CD38: variants seen among roughly 807,000 people sequenced by gnomAD.
The protein encoded by CD38 is CD38 molecule, also known as ADP-ribosyl cyclase/cyclic ADP-ribose hydrolase 1.
Under a neutral mutation model 36.3 loss-of-function variants are expected in CD38, and 31 were observed. The observed-to-expected ratio is 0.85, with a 90% confidence interval of 0.64 to 1.15. The LOEUF is 1.15. Ranked by LOEUF, CD38 falls within the 50% of genes most tolerant of loss-of-function variation. CD38 has a pLI of 0.00. For missense variants in CD38, 380 were observed against 371.9 expected, an observed-to-expected ratio of 1.02 and a Z score of -0.18; for synonymous variants, 131 against 135.2, an observed-to-expected ratio of 0.97 and a Z score of 0.22.
chr4:15,829,761 G>A (rs771216598), intron 3 of CD38, among the ~76,000 whole-genome samples: 12 of 152,080 alleles, frequency 7.9e-5, no homozygotes, highest in Admixed American at 3.3e-4. Flanking sequence ...CCAGCGTCTG[G>A]TAACCATTTT....
Position 15,851,374 on chromosome 4 carries a change from G to A in CD38, c.*2772G>A, listed in dbSNP as rs868781671. The A allele has an allele frequency of 3.9e-5, 6 of 152,032 alleles. No homozygotes were observed. The highest frequency in any genetic ancestry group is 7.3e-5 in the African/African-American group (3 of 41,366). 9.4% of individuals were successfully genotyped at this position (152,032 alleles called of 1,614,324 possible). ...TGCTCATACACCTCATATTTTACTC[G>A]TAAATCTACTACTCCCTGTCTGCCT... On this transcript the variant is annotated 3_prime_UTR_variant, in exon 8 of 8. Coordinates refer to ENST00000226279, the MANE Select transcript of CD38 (RefSeq NM_001775.4).
chr4:15,781,958 C>T (rs1224059141), intron 1 of CD38, among the ~76,000 whole-genome samples: 1 of 152,212 alleles, frequency 6.6e-6, no homozygotes, highest in Admixed American at 6.5e-5. Context: ...GCCTGTTTCA[C>T]TTGGTGTCAG....
chr4:15,838,610 A>G (rs1724127530), intron 5 of CD38, among the ~76,000 whole-genome samples: 1 of 152,136 alleles, frequency 6.6e-6, no homozygotes. Flanking sequence ...GTGTACCCCA[A>G]TTCAGTAGTA....
At chr4:15,779,979 T>C (rs1483178708) in intron 1 of CD38, among the ~76,000 whole-genome samples, 1 of 152,212 alleles carries the variant, frequency 6.6e-6, no homozygotes, top group East Asian at 1.9e-4. Flanking sequence ...CAAGTATCTG[T>C]TGAGCACCCA....
At chr4:15,829,500 A>AAATT (rs1723918212) in intron 3 of CD38, among the ~76,000 whole-genome samples, 1 of 152,208 alleles carries the variant, frequency 6.6e-6, no homozygotes, top group Non-Finnish European at 1.5e-5. Flanking sequence ...ATGGGCTGAA[A>AAATT]AAAAATCGCA....
chr4:15,805,434 C>T (rs746846419), intron 1 of CD38, among the ~76,000 whole-genome samples: 1 of 152,102 alleles, frequency 6.6e-6, no homozygotes, highest in Non-Finnish European at 1.5e-5. Flanking sequence ...TCACTAACAC[C>T]TCCTCCCCCC....
intron 3 of CD38, among the ~76,000 whole-genome samples, chr4:15,829,562 C>G (rs946234903): frequency 6.6e-6 from 1 of 152,156 alleles, no homozygotes; most frequent in Non-Finnish European, 1.5e-5. Flanking sequence ...ATGTGTTGGG[C>G]TGCATTCAAA....
At chr4:15,836,924 A>G (rs1387971234) in intron 4 of CD38, among the ~76,000 whole-genome samples, 1 of 152,226 alleles carries the variant, frequency 6.6e-6, no homozygotes, top group Non-Finnish European at 1.5e-5. Context: ...CTTGTTCCAT[A>G]GGGTTACTGC....
chr4:15,850,002 T>C lies in CD38; in HGVS notation c.*1400T>C, dbSNP rs1724350651. The C allele has an allele frequency of 6.6e-6, 1 of 152,166 alleles. No homozygotes were observed. Among genetic ancestry groups the C allele is most frequent in the African/African-American group, 2.4e-5 (1 of 41,442 alleles). 9.4% of individuals were successfully genotyped at this position (152,166 alleles called of 1,614,324 possible). Reference sequence around the variant, plus strand: ...TGCCTAGTTTTTAACATCTGGAGATTTTCTAGTTTTGAAAAAAACATAAGC... The same window carrying C: ...TGCCTAGTTTTTAACATCTGGAGATCTTCTAGTTTTGAAAAAAACATAAGC... On this transcript the variant is annotated 3_prime_UTR_variant, in exon 8 of 8. Transcript: ENST00000226279.
Position 15,849,694 on chromosome 4 carries a change from C to T in CD38, c.*1092C>T, listed in dbSNP as rs1048761033. 1 of 152,136 alleles carries T rather than the reference C, an allele frequency of 6.6e-6. No individual in the cohort carries two copies. Among genetic ancestry groups the T allele is most frequent in the African/African-American group, 2.4e-5 (1 of 41,436 alleles). The allele number at this position is 152,136 out of a possible 1,614,324, so 9.4% of individuals were successfully genotyped here. Reference sequence around the variant, plus strand: ...TTTTCAAAGAACTAAGCTTTAGCTTCATTGATTTTTTTCTATTTAATTGGG... The same window carrying T: ...TTTTCAAAGAACTAAGCTTTAGCTTTATTGATTTTTTTCTATTTAATTGGG... On this transcript the variant is annotated 3_prime_UTR_variant, in exon 8 of 8. Coordinates refer to ENST00000226279, the MANE Select transcript of CD38 (RefSeq NM_001775.4).
chr4:15,782,639 C>T (rs560673328), intron 1 of CD38, among the ~76,000 whole-genome samples: 1 of 152,292 alleles, frequency 6.6e-6, no homozygotes, highest in South Asian at 2.1e-4. Flanking sequence ...AATAAATATA[C>T]TTCCCCAGTG....
intron 3 of CD38, among the ~76,000 whole-genome samples, chr4:15,831,911 C>T (rs1467966487): frequency 6.6e-6 from 1 of 152,140 alleles, no homozygotes; most frequent in Non-Finnish European, 1.5e-5. Flanking sequence ...TCTTTGACAC[C>T]AATAACTCTT....
At chr4:15,786,226 T>G (rs1471297433) in intron 1 of CD38, among the ~76,000 whole-genome samples, 1 of 152,110 alleles carries the variant, frequency 6.6e-6, no homozygotes, top group Non-Finnish European at 1.5e-5. Context: ...CAGTGTTGGC[T>G]CCCCCCAGCC....
intron 1 of CD38, among the ~76,000 whole-genome samples, chr4:15,779,844 G>T (rs1577627870): frequency 1.3e-5 from 2 of 151,120 alleles, no homozygotes; most frequent in Admixed American, 6.6e-5. Context: ...CTTTCAATGT[G>T]AGTACATAAA....
intron 1 of CD38, among the ~76,000 whole-genome samples, chr4:15,794,609 A>G (rs1307574864): frequency 6.6e-6 from 1 of 152,152 alleles, no homozygotes; most frequent in Non-Finnish European, 1.5e-5. Flanking sequence ...AGTGGTAGTG[A>G]TGAAAGCTTA....
chr4:15,790,104 GCTCTCCCTCTCCCTCTCC>G (rs1230934444), intron 1 of CD38, among the ~76,000 whole-genome samples: 16 of 117,016 alleles, frequency 1.4e-4, no homozygotes, highest in Admixed American at 1.7e-4. Context: ...GCAGCAAGCC[GCTCTCCCTCTCCCTCTCC>G]CTCTCCCTCT....
chr4:15,837,097 G>A lies in CD38; in HGVS notation c.586-995G>A, dbSNP rs987217355. Among the ~76,000 whole-genome samples the A allele has an allele frequency of 2.0e-5, 3 of 152,098 alleles. No homozygotes were observed. In the East Asian group the frequency reaches 5.8e-4, roughly 29 times the overall value. On this transcript the variant is annotated intron_variant, in intron 4 of 7. Coordinates refer to ENST00000226279, the MANE Select transcript of CD38 (RefSeq NM_001775.4). ...AATAGTTTCCATTTCACTACTCTAT[G>A]GTATGTTTTAGGACAGTGCTGTTGC...
intron 1 of CD38, among the ~76,000 whole-genome samples, chr4:15,790,551 C>A (rs1350022303): frequency 2.0e-5 from 3 of 152,110 alleles, no homozygotes; most frequent in Non-Finnish European, 2.9e-5. Flanking sequence ...AGCCGCCTGC[C>A]TTGGCCCCCC....
chr4:15,842,070 G>GGCCT (rs1439277687), intron 7 of CD38, among the ~76,000 whole-genome samples: 1 of 134,138 alleles, frequency 7.5e-6, no homozygotes, highest in East Asian at 2.2e-4. Flanking sequence ...AGCTCAAGGA[G>GGCCT]GCCTGCCTGC....
Sources: gnomAD v4.1 joint callset for allele counts (sites outside exome capture counted in the v4.1 genomes callset) on GRCh38, gnomAD v4.1.1 for gene constraint, MANE v1.5 for transcripts, NCBI Gene and HGNC (gene_info 2026-07-23, HGNC 2026-07-21) for gene names.